Variants in CLVS1 observed in about 807,000 individuals in gnomAD.
CLVS1 encodes clavesin-1.
Under a neutral mutation model 33.1 loss-of-function variants are expected in CLVS1, and 10 were observed. That is an observed-to-expected ratio of 0.30 (90% CI 0.19 to 0.51). The LOEUF is 0.51. Among genes scored for constraint, CLVS1 ranks in the 20% least tolerant of loss-of-function variants. The probability of loss-of-function intolerance (pLI) is 0.97; values close to 1 mark genes in which losing one functional copy is unlikely to be tolerated. For synonymous variants in CLVS1, 163 were observed against 166.1 expected, an observed-to-expected ratio of 0.98 and a Z score of 0.14; for missense variants, 343 against 433.4, an observed-to-expected ratio of 0.79 and a Z score of 1.85.
rs553379953 is a variant in CLVS1 at position 61,422,368 on chromosome 8, C to T, written c.631-31773C>T. Among the ~76,000 whole-genome samples, 140 of 152,262 alleles carry T rather than the reference C, an allele frequency of 9.2e-4. 1 individual carries two copies. The highest frequency in any genetic ancestry group is 1.7e-3 in the South Asian group (8 of 4,818). ...AGTGCTGGGTCTGCAGCACGTGAAG[C>T]ATGTGTGATGTCTCCATCATGGGGA... On this transcript the variant is annotated intron_variant, in intron 3 of 5. Transcript: ENST00000325897.
chr8:61,290,487 G>T (rs1033202108), intron 1 of CLVS1, among the ~76,000 whole-genome samples: 10 of 152,232 alleles, frequency 6.6e-5, no homozygotes, highest in Admixed American at 1.3e-4. Flanking sequence ...ATAGAAGAGT[G>T]CATCATTTTA....
chr8:61,126,016 A>G (rs528492287), intron 1 of CLVS1, among the ~76,000 whole-genome samples: 2 of 152,122 alleles, frequency 1.3e-5, no homozygotes, highest in Non-Finnish European at 2.9e-5. Flanking sequence ...AAGAATGACA[A>G]ATGCATGATA....
intron 2 of CLVS1, among the ~76,000 whole-genome samples, chr8:61,232,096 A>G (rs1422809630): frequency 7.6e-6 from 1 of 132,268 alleles, no homozygotes; most frequent in Non-Finnish European, 1.5e-5. Flanking sequence ...ATGTAGTGGC[A>G]TGATCTTGGC....
At chr8:60,979,211 G>C in the CLVS1 span, among the ~76,000 whole-genome samples, 1,274 of 152,298 alleles carry the variant, frequency 8.4e-3, 7 homozygotes, top group Non-Finnish European at 0.012. Flanking sequence ...TATCTATAAA[G>C]GGGGGTTGTT....
chr8:60,975,432 G>A, the CLVS1 span, among the ~76,000 whole-genome samples: 2 of 152,218 alleles, frequency 1.3e-5, no homozygotes, highest in African/African-American at 2.4e-5. Context: ...TAAATCCAAC[G>A]ACTGATATCC....
the CLVS1 span, among the ~76,000 whole-genome samples, chr8:61,014,599 A>C: frequency 1.3e-5 from 2 of 152,210 alleles, no homozygotes; most frequent in Non-Finnish European, 2.9e-5. Context: ...AGAAGTCTTT[A>C]GTTGTTTTTA....
chr8:60,997,802 T>G, the CLVS1 span, among the ~76,000 whole-genome samples: 8 of 152,240 alleles, frequency 5.3e-5, no homozygotes, highest in Non-Finnish European at 8.8e-5. Context: ...TCTCTTGAGC[T>G]GAGAAGAGCC....
the CLVS1 span, among the ~76,000 whole-genome samples, chr8:61,040,813 G>A: frequency 2.0e-5 from 3 of 152,182 alleles, no homozygotes; most frequent in Admixed American, 6.5e-5. Context: ...TTCTTTCACC[G>A]TGCAAAAGCT....
At chr8:61,466,476 C>T (rs937935491) in intron 5 of CLVS1, among the ~76,000 whole-genome samples, 3 of 151,950 alleles carry the variant, frequency 2.0e-5, no homozygotes, top group African/African-American at 7.3e-5. Flanking sequence ...TACACACAGG[C>T]TTATTCAGGG....
chr8:61,010,340 T>C, the CLVS1 span, among the ~76,000 whole-genome samples: 1 of 152,244 alleles, frequency 6.6e-6, no homozygotes, highest in Non-Finnish European at 1.5e-5. Flanking sequence ...GTAAGGTTGA[T>C]AGATAAAATA....
intron 1 of CLVS1, among the ~76,000 whole-genome samples, chr8:61,078,661 T>C (rs1396339441): frequency 6.6e-6 from 1 of 152,196 alleles, no homozygotes; most frequent in Non-Finnish European, 1.5e-5. Flanking sequence ...AGTCCACTAA[T>C]GTTCCTTCTC....
intron 2 of CLVS1, among the ~76,000 whole-genome samples, chr8:61,369,409 A>G (rs759642125): frequency 6.6e-6 from 1 of 152,234 alleles, no homozygotes; most frequent in Non-Finnish European, 1.5e-5. Context: ...GAATTATGTA[A>G]GAGTTATTAC....
intron 2 of CLVS1, among the ~76,000 whole-genome samples, chr8:61,193,589 G>A (rs72654676): frequency 0.07 from 10,678 of 151,864 alleles, 492 homozygotes; most frequent in East Asian, 0.15. Flanking sequence ...AAAGTCAGAA[G>A]ACGAGGAAAT....
At chr8:61,451,429 A>G (rs1816947147) in intron 3 of CLVS1, among the ~76,000 whole-genome samples, 2 of 152,342 alleles carry the variant, frequency 1.3e-5, no homozygotes, top group South Asian at 2.1e-4. Flanking sequence ...TATGTTTAAA[A>G]TTTAAAATGA....
chr8:61,332,543 A>G (rs1439808638), intron 2 of CLVS1, among the ~76,000 whole-genome samples: 2 of 152,116 alleles, frequency 1.3e-5, no homozygotes, highest in East Asian at 1.9e-4. Context: ...ATCTGCTATC[A>G]TCTCATATTT....
intron 2 of CLVS1, among the ~76,000 whole-genome samples, chr8:61,254,456 G>A (rs1166830954): frequency 6.6e-6 from 1 of 152,184 alleles, no homozygotes; most frequent in African/African-American, 2.4e-5. Flanking sequence ...CTGTCAGACA[G>A]GGACATTTAA....
At chr8:61,176,679 G>T (rs994456088) in intron 2 of CLVS1, among the ~76,000 whole-genome samples, 22 of 152,140 alleles carry the variant, frequency 1.4e-4, no homozygotes, top group Non-Finnish European at 3.1e-4. Flanking sequence ...CATGACCCAT[G>T]GAGAGGAAGG....
chr8:61,220,794 A>C (rs879072328), intron 2 of CLVS1, among the ~76,000 whole-genome samples: 4 of 152,152 alleles, frequency 2.6e-5, no homozygotes, highest in Non-Finnish European at 5.9e-5. Flanking sequence ...ATCCATGAGC[A>C]TGGAATGTTT....
chr8:61,205,907 T>C (rs2978529), intron 2 of CLVS1, among the ~76,000 whole-genome samples: 46,838 of 152,102 alleles, frequency 0.31, 7,422 homozygotes, highest in Admixed American at 0.35. Context: ...TATTTTTAGA[T>C]GTAATTTTAT....
Sources: allele counts gnomAD v4.1 joint callset (sites outside exome capture counted in the v4.1 genomes callset), GRCh38; gene constraint gnomAD v4.1.1; transcripts MANE v1.5; gene names NCBI Gene and HGNC (gene_info 2026-07-23, HGNC 2026-07-21).